The following NRXN1 variants were observed in gnomAD, a reference collection of about 807,000 sequenced individuals.
NRXN1 encodes the protein neurexin 1.
In NRXN1, 39 loss-of-function variants were observed where a neutral mutation model predicts 150.9. The ratio of observed to expected loss-of-function variants is 0.26; its 90% CI spans 0.20 to 0.34. NRXN1 has a LOEUF of 0.34. NRXN1 is among the 10% of genes least tolerant of loss of function. The probability of loss-of-function intolerance (pLI) is 1.00; values close to 1 mark genes in which losing one functional copy is unlikely to be tolerated. For synonymous variants in NRXN1, 924 were observed against 757.0 expected, an observed-to-expected ratio of 1.22 and a Z score of -3.62; for missense variants, 1,815 against 1,949.9, an observed-to-expected ratio of 0.93 and a Z score of 1.30.
intron 21 of NRXN1, among the ~76,000 whole-genome samples, chr2:49,996,729 T>C (rs547672680): frequency 6.6e-5 from 10 of 152,178 alleles, no homozygotes; most frequent in Non-Finnish European, 1.3e-4. Flanking sequence ...AGGTAACATA[T>C]TCTCCCCTAA....
intron 17 of NRXN1, among the ~76,000 whole-genome samples, chr2:50,304,394 G>A (rs1449095766): frequency 6.6e-6 from 1 of 152,158 alleles, no homozygotes; most frequent in Non-Finnish European, 1.5e-5. Flanking sequence ...TTAAATGTGA[G>A]CTAAAAATAC....
chr2:50,979,440 G>A (rs1179380408), intron 2 of NRXN1, among the ~76,000 whole-genome samples: 1 of 152,018 alleles, frequency 6.6e-6, no homozygotes, highest in Non-Finnish European at 1.5e-5. Flanking sequence ...ATGAAACCAG[G>A]ACAAGAAGCC....
chr2:50,851,630 A>G (rs1050086298), intron 5 of NRXN1, among the ~76,000 whole-genome samples: 3 of 152,166 alleles, frequency 2.0e-5, no homozygotes, highest in African/African-American at 7.2e-5. Flanking sequence ...GAAAATTTGC[A>G]ATTGAGTGTG....
chr2:50,942,004 T>C (rs1019216281), intron 2 of NRXN1, among the ~76,000 whole-genome samples: 3 of 152,180 alleles, frequency 2.0e-5, no homozygotes, highest in Non-Finnish European at 4.4e-5. Context: ...GCTAGTCACA[T>C]GGCCCAGCTG....
chr2:51,009,765 A>G (rs2105176841), intron 2 of NRXN1, among the ~76,000 whole-genome samples: 1 of 152,082 alleles, frequency 6.6e-6, no homozygotes, highest in African/African-American at 2.4e-5. Context: ...CTATGGTGAC[A>G]GAGATGGATA....
intron 5 of NRXN1, among the ~76,000 whole-genome samples, chr2:50,821,257 A>G (rs958134050): frequency 2.6e-5 from 4 of 152,180 alleles, no homozygotes; most frequent in Admixed American, 6.5e-5. Context: ...ACAAATTCTT[A>G]AAGTTTCTTA....
chr2:50,859,581 T>A (rs1675801213), intron 5 of NRXN1, among the ~76,000 whole-genome samples: 1 of 151,050 alleles, frequency 6.6e-6, no homozygotes, highest in Admixed American at 6.6e-5. Context: ...CTAACAGAAA[T>A]GTTTACAGGT....
intron 5 of NRXN1, among the ~76,000 whole-genome samples, chr2:50,778,609 T>G (rs1249255238): frequency 6.6e-6 from 1 of 152,158 alleles, no homozygotes; most frequent in Non-Finnish European, 1.5e-5. Context: ...AGATGACATT[T>G]GAGATAATTT....
In NRXN1 at chr2:50,851,128, C is replaced by A. The variant is rs180899868; in HGVS notation, c.832+70741G>T. On this transcript the variant is annotated intron_variant, in intron 5 of 22. Transcript: ENST00000401669. ...TGGTCTTCTAAGATAAAAATACATG[C>A]AATGAATAATTGAGGGAGAAGAGTC... 2.4e-3 allele frequency among the ~76,000 whole-genome samples: 362 copies of A among 152,218 alleles called. 4 individuals are homozygous for A. The highest frequency in any genetic ancestry group is 2.8e-3 in the Non-Finnish European group (193 of 68,006).
intron 2 of NRXN1, chr2:50,964,095 T>A (rs1288166562): frequency 6.5e-6 from 2 of 307,758 alleles, no homozygotes; most frequent in Non-Finnish European, 6.5e-6. Flanking sequence ...TAGTGTATGT[T>A]ATTTCGACAA....
intron 21 of NRXN1, among the ~76,000 whole-genome samples, chr2:49,998,494 T>A (rs563026538): frequency 1.3e-5 from 2 of 152,110 alleles, no homozygotes; most frequent in African/African-American, 4.8e-5. Context: ...TTTCAAAACT[T>A]TTTTTGGAAA....
At chr2:50,713,205 T>C (rs1315609985) in intron 5 of NRXN1, among the ~76,000 whole-genome samples, 1 of 151,770 alleles carries the variant, frequency 6.6e-6, no homozygotes, top group African/African-American at 2.4e-5. Context: ...TCTCAGCTGC[T>C]TGTGAGGCTG....
intron 5 of NRXN1, among the ~76,000 whole-genome samples, chr2:50,826,658 C>T (rs993459349): frequency 1.1e-4 from 17 of 152,146 alleles, no homozygotes; most frequent in Admixed American, 5.2e-4. Flanking sequence ...AGGTGTATTT[C>T]GCTTGAACAA....
At chr2:50,800,829 C>G (rs962492674) in intron 5 of NRXN1, among the ~76,000 whole-genome samples, 1 of 152,146 alleles carries the variant, frequency 6.6e-6, no homozygotes, top group African/African-American at 2.4e-5. Flanking sequence ...GGATTACAGG[C>G]GTGAGCCAGC....
chr2:50,556,439 TTGA>T (rs1436721685), intron 8 of NRXN1, among the ~76,000 whole-genome samples: 2 of 152,120 alleles, frequency 1.3e-5, no homozygotes, highest in East Asian at 1.9e-4. Flanking sequence ...ATCATAACAA[TTGA>T]TGATATTTGT....
intron 12 of NRXN1, among the ~76,000 whole-genome samples, chr2:50,513,019 A>T (rs1342403853): frequency 6.6e-6 from 1 of 152,192 alleles, no homozygotes; most frequent in African/African-American, 2.4e-5. Flanking sequence ...ATTTGAAAGC[A>T]GGTATTGCAT....
chr2:50,042,369 G>C (rs1168011608), intron 21 of NRXN1, among the ~76,000 whole-genome samples: 2 of 152,028 alleles, frequency 1.3e-5, no homozygotes, highest in Non-Finnish European at 2.9e-5. Context: ...TGAGATAAGG[G>C]GCTTCCCCCT....
chr2:50,367,207 G>A (rs1050169657), intron 17 of NRXN1, among the ~76,000 whole-genome samples: 1 of 151,912 alleles, frequency 6.6e-6, no homozygotes, highest in African/African-American at 2.4e-5. Context: ...AGAAGAAAAT[G>A]TCGTTGAGTA....
chr2:50,807,220 C>T (rs1356488524), intron 5 of NRXN1, among the ~76,000 whole-genome samples: 1 of 152,040 alleles, frequency 6.6e-6, no homozygotes, highest in African/African-American at 2.4e-5. Context: ...AAAAACTTTT[C>T]CTACCTCTGC....
Sources: gnomAD v4.1 joint callset for allele counts (sites outside exome capture counted in the v4.1 genomes callset) on GRCh38, gnomAD v4.1.1 for gene constraint, MANE v1.5 for transcripts, NCBI Gene and HGNC (gene_info 2026-07-23, HGNC 2026-07-21) for gene names.